The following NIPSNAP2 variants were observed in gnomAD, a reference collection of about 807,000 sequenced individuals.
NIPSNAP2 encodes protein NipSnap homolog 2.
A neutral mutation model predicts 48.4 loss-of-function variants in NIPSNAP2; 42 were observed. The ratio of observed to expected loss-of-function variants is 0.87; its 90% CI spans 0.68 to 1.12. NIPSNAP2 has a LOEUF of 1.12. Among genes scored for constraint, NIPSNAP2 ranks in the 50% most tolerant of loss-of-function variants. The pLI is 0.00. For missense variants in NIPSNAP2, 314 were observed against 347.3 expected (o/e 0.90, Z 0.76); for synonymous variants, 158 against 126.6 (o/e 1.25, Z -1.67).
At chr7:55,979,606 A>G (rs1787171212) in intron 3 of NIPSNAP2, 3 of 355,204 alleles carry the variant, frequency 8.4e-6, no homozygotes, top group Non-Finnish European at 1.7e-5. Context: ...CCCATTCCCA[A>G]GTAGCTTTTT....
intron 1 of NIPSNAP2, 96 bp downstream of exon 1, chr7:55,964,797 TC>T: frequency 3.6e-6 from 2 of 554,304 alleles, no homozygotes; most frequent in East Asian, 1.6e-4. Flanking sequence ...CCCGGCCCTG[TC>T]CCCAGCGCGG....
chr7:55,971,701 T>C (rs917998271), intron 1 of NIPSNAP2, among the ~76,000 whole-genome samples: 2 of 152,134 alleles, frequency 1.3e-5, no homozygotes, highest in Non-Finnish European at 2.9e-5. Flanking sequence ...TTCTGAGATA[T>C]GAAATAAATG....
chr7:55,967,902 G>A (rs925922097), intron 1 of NIPSNAP2, among the ~76,000 whole-genome samples: 3 of 151,344 alleles, frequency 2.0e-5, no homozygotes, highest in Non-Finnish European at 2.9e-5. Flanking sequence ...CTCCCACCAC[G>A]GCCTCCCAAA....
intron 5 of NIPSNAP2, among the ~76,000 whole-genome samples, chr7:55,982,704 ATTG>A (rs1241640022): frequency 6.6e-6 from 1 of 151,004 alleles, no homozygotes; most frequent in East Asian, 2.0e-4. Context: ...GTGAGCTGAG[ATTG>A]CGCCACTGTA....
intron 7 of NIPSNAP2, among the ~76,000 whole-genome samples, chr7:55,990,776 T>G (rs1306641735): frequency 6.6e-6 from 1 of 151,622 alleles, no homozygotes; most frequent in African/African-American, 2.4e-5. Flanking sequence ...CTTATATCTT[T>G]TCTTTTTTCT....
At chr7:55,969,462 G>T (rs1222805071) in intron 1 of NIPSNAP2, among the ~76,000 whole-genome samples, 3 of 152,098 alleles carry the variant, frequency 2.0e-5, no homozygotes, top group Non-Finnish European at 2.9e-5. Context: ...CTTCTTTCCA[G>T]TCTTCCACTC....
chr7:55,985,745 CAAAAAAAA>C (rs11290048), intron 7 of NIPSNAP2, among the ~76,000 whole-genome samples: 1 of 89,676 alleles, frequency 1.1e-5, no homozygotes, highest in Admixed American at 1.3e-4. Context: ...GACCCTGTCT[CAAAAAAAA>C]AAAAAAAAAA....
At chr7:55,981,448 A>G in intron 3 of NIPSNAP2, 25 bp from the exon 4 acceptor site, 1 of 1,572,602 alleles carries the variant, frequency 6.4e-7, no homozygotes, top group Non-Finnish European at 8.7e-7. Flanking sequence ...TTGTTTAATT[A>G]GTGTTGCTGT....
chr7:55,981,728 G>T, intron 4 of NIPSNAP2, 161 bp downstream of exon 4: 1 of 559,312 alleles, frequency 1.8e-6, no homozygotes, highest in East Asian at 3.1e-5. Flanking sequence ...TGCGAAAATG[G>T]TTTTAAAATT....
intron 7 of NIPSNAP2, among the ~76,000 whole-genome samples, chr7:55,994,223 G>A (rs1230108699): frequency 6.6e-6 from 1 of 152,202 alleles, no homozygotes; most frequent in East Asian, 1.9e-4. Flanking sequence ...CCCTCTGAGG[G>A]TGTTCTGGAG....
At position 55,983,876 on chromosome 7, in the gene NIPSNAP2, C is replaced by G. The variant is rs1228424492; in HGVS notation, c.585+8C>G. On this transcript the variant is annotated splice_region_variant and intron_variant, in intron 6 of 9. Coordinates refer to ENST00000322090, the MANE Select transcript of NIPSNAP2 (RefSeq NM_001483.3). ...AGGTCTTACCAACTCCGAGTAAGTA[C>G]AGAAATATAAGTTATTCCTTTTACT... The G allele has an allele frequency of 1.9e-6, 3 of 1,610,790 alleles. No homozygotes were observed. The South Asian group carries it at 3.3e-5, about 18-fold the overall frequency.
chr7:55,991,759 AAAAAAAATAT>A (rs1200142063), intron 7 of NIPSNAP2: 1 of 126,572 alleles, frequency 7.9e-6, no homozygotes, highest in Non-Finnish European at 1.7e-5. Context: ...AAAAAAAAAA[AAAAAAAATAT>A]ATATATATAT....
chr7:55,999,239 A>AG lies in NIPSNAP2; in HGVS notation c.*167_*168insG. On this transcript the variant is annotated 3_prime_UTR_variant, in exon 10 of 10. Transcript: ENST00000322090. Reference sequence around the variant, plus strand: ...AAATTTACATAATCACAAGAAAGGAAAGAATTACAGTTGGACTGATTGTGA... The same window carrying AG: ...AAATTTACATAATCACAAGAAAGGAAGAGAATTACAGTTGGACTGATTGTGA... 1.6e-6 allele frequency: 1 copy of AG among 630,662 alleles called. No homozygotes were observed. Among genetic ancestry groups the AG allele is most frequent in the Non-Finnish European group, 2.8e-6 (1 of 356,932 alleles). The allele number at this position is 630,662 out of a possible 1,614,324, so 39.1% of individuals were successfully genotyped here.
rs1787582983 is a variant in NIPSNAP2, at chr7:55,997,347, CTG to C, written c.713-14_713-13del. 6.3e-7 allele frequency: 1 copy of C among 1,588,754 alleles called. No individual in the cohort carries two copies. The highest frequency in any genetic ancestry group is 8.6e-7 in the Non-Finnish European group (1 of 1,157,156). ...TGTATGTGTTTTAAGTCTTACTTCT[CTG>C]TGTGGTTATTTTTAAGCTTACAGGG... On this transcript the variant is annotated splice_polypyrimidine_tract_variant and intron_variant, in intron 8 of 9. Coordinates refer to ENST00000322090, the MANE Select transcript of NIPSNAP2 (RefSeq NM_001483.3).
chr7:55,998,377 T>G (rs1372456329), intron 9 of NIPSNAP2, among the ~76,000 whole-genome samples: 1 of 152,056 alleles, frequency 6.6e-6, no homozygotes, highest in Non-Finnish European at 1.5e-5. Flanking sequence ...ATGTTATAAT[T>G]ATATAATTGT....
intron 3 of NIPSNAP2, chr7:55,979,702 C>G (rs1423364236): frequency 4.4e-6 from 2 of 450,790 alleles, no homozygotes; most frequent in Non-Finnish European, 4.5e-6. Context: ...TCAGATTGAT[C>G]TGCTTGAGTT....
intron 3 of NIPSNAP2, chr7:55,981,029 C>G (rs1787204441): frequency 6.5e-6 from 1 of 152,790 alleles, no homozygotes; most frequent in South Asian, 2.1e-4. Flanking sequence ...CTGCCTCTGT[C>G]TTGAACATTA....
intron 3 of NIPSNAP2, chr7:55,978,862 TCCTCTG>T: frequency 1.3e-5 from 2 of 154,546 alleles, no homozygotes; most frequent in Non-Finnish European, 2.9e-5. Context: ...TCTTCCCAAC[TCCTCTG>T]TTCTCCAGGA....
intron 7 of NIPSNAP2, among the ~76,000 whole-genome samples, chr7:55,994,367 CAAAA>C (rs1787515523): frequency 1.3e-5 from 2 of 152,050 alleles, no homozygotes; most frequent in Admixed American, 1.3e-4. Context: ...TACATTTTCT[CAAAA>C]AAATTAGTAT....
Sources: gnomAD v4.1 joint callset for allele counts (sites outside exome capture counted in the v4.1 genomes callset) on GRCh38, gnomAD v4.1.1 for gene constraint, MANE v1.5 for transcripts, NCBI Gene and HGNC (gene_info 2026-07-23, HGNC 2026-07-21) for gene names.